The following PSMB2 variants were observed in gnomAD, a reference collection of about 807,000 sequenced individuals.
The protein encoded by PSMB2 is proteasome subunit beta type-2.
Under a neutral mutation model 25.7 loss-of-function variants are expected in PSMB2, and 13 were observed. That is an observed-to-expected ratio of 0.51 (90% confidence interval 0.33 to 0.80). PSMB2 has a LOEUF of 0.80. PSMB2 is among the 30% of genes least tolerant of loss of function. The pLI is 0.02. For synonymous variants in PSMB2, 87 were observed against 96.2 expected (o/e 0.90, Z 0.56); for missense variants, 202 against 259.0 (o/e 0.78, Z 1.51).
Position 35,602,888 on chromosome 1 carries a change from T to A in PSMB2, c.*379A>T, listed in dbSNP as rs1650046290. 1.0e-6 allele frequency: 1 copy of A among 968,444 alleles called. No homozygotes were observed. Among genetic ancestry groups the A allele is most frequent in the South Asian group, 4.5e-5 (1 of 22,348 alleles). 60.0% of individuals were successfully genotyped at this position (968,444 alleles called of 1,614,324 possible). A position where few individuals can be genotyped will look rare whatever the true frequency, so the allele number is the denominator to read the frequency against. On this transcript the variant is annotated 3_prime_UTR_variant, in exon 6 of 6. Transcript: ENST00000373237. ...TAATTCAGGTTAATTAATTTAAAAA[T>A]TTAAGTTTAAGGGCAAAAAGAACCA...
At chr1:35,618,729 GTGGAGAAGGTATGGAAT>G (rs1339374162) in intron 3 of PSMB2, among the ~76,000 whole-genome samples, 1 of 152,156 alleles carries the variant, frequency 6.6e-6, no homozygotes, top group African/African-American at 2.4e-5. Context: ...GCCACTCAGA[GTGGAGAAGGTATGGAAT>G]TGGAAGTTGA....
At position 35,601,098 on chromosome 1, in the gene PSMB2, GCT is replaced by G. The variant is rs1571116691; in HGVS notation, c.*2167_*2168del. 1 of 918,458 alleles carries G rather than the reference GCT, an allele frequency of 1.1e-6. No homozygotes were observed. The highest frequency in any genetic ancestry group is 1.3e-6 in the Non-Finnish European group (1 of 797,350). The allele number at this position is 918,458 out of a possible 1,614,324, so 56.9% of individuals were successfully genotyped here. On this transcript the variant is annotated 3_prime_UTR_variant, in exon 6 of 6. Coordinates refer to ENST00000373237, the MANE Select transcript of PSMB2 (RefSeq NM_002794.5). ...TTTTTTTTTTTTGAGACAGAGTCTT[GCT>G]CTGTCAGCCAGGCTGGAGTGCAGTG... is the stretch of plus-strand genomic sequence containing the variant.
intron 5 of PSMB2, 69 bp downstream of exon 5, chr1:35,605,164 A>G: frequency 6.8e-7 from 1 of 1,465,382 alleles, no homozygotes; most frequent in East Asian, 2.3e-5. Flanking sequence ...AATATAACTG[A>G]GGAACAGGAA....
intron 2 of PSMB2, among the ~76,000 whole-genome samples, chr1:35,633,765 T>A (rs1310398051): frequency 6.6e-6 from 1 of 152,276 alleles, no homozygotes; most frequent in South Asian, 2.1e-4. Flanking sequence ...GCCTTATTCA[T>A]CTTTGAATTC....
chr1:35,628,601 A>T (rs1459947049), intron 3 of PSMB2, among the ~76,000 whole-genome samples: 2 of 24,720 alleles, frequency 8.1e-5, no homozygotes, highest in East Asian at 3.7e-3. Flanking sequence ...AAAAAAATAT[A>T]TATATATATA....
chr1:35,626,092 C>G (rs1650851828), intron 3 of PSMB2, among the ~76,000 whole-genome samples: 1 of 152,142 alleles, frequency 6.6e-6, no homozygotes, highest in African/African-American at 2.4e-5. Context: ...TCCATCTTGG[C>G]CTCCCAAAGT....
chr1:35,607,458 TCAAA>T (rs1178584131), intron 4 of PSMB2, among the ~76,000 whole-genome samples: 4 of 151,938 alleles, frequency 2.6e-5, no homozygotes, highest in Non-Finnish European at 4.4e-5. Context: ...GAAATGCAAA[TCAAA>T]ACCACAATGA....
intron 3 of PSMB2, among the ~76,000 whole-genome samples, chr1:35,627,258 CAAAA>C (rs772688881): frequency 1.6e-4 from 6 of 36,446 alleles, no homozygotes; most frequent in African/African-American, 2.5e-4. Context: ...GACCCTATCT[CAAAA>C]AAAAAAAAAA....
intron 2 of PSMB2, among the ~76,000 whole-genome samples, chr1:35,636,038 T>C (rs1480283648): frequency 1.3e-5 from 2 of 152,212 alleles, no homozygotes; most frequent in Non-Finnish European, 2.9e-5. Context: ...TAAAATGAGT[T>C]CCTAATTCAA....
chr1:35,628,596 A>AAATAT (rs59538661), intron 3 of PSMB2, among the ~76,000 whole-genome samples: 5 of 25,108 alleles, frequency 2.0e-4, no homozygotes, highest in Non-Finnish European at 2.3e-4. Context: ...AAAAAAAAAA[A>AAATAT]ATATATATAT....
intron 3 of PSMB2, among the ~76,000 whole-genome samples, chr1:35,628,631 A>ATATATATATATATTT (rs1202256440): frequency 2.6e-5 from 1 of 38,088 alleles, no homozygotes; most frequent in Non-Finnish European, 4.0e-5. Flanking sequence ...ATATATATAT[A>ATATATATATATATTT]TTTTTTTTTT....
chr1:35,638,084 A>G (rs1651294855), intron 1 of PSMB2, among the ~76,000 whole-genome samples: 2 of 152,204 alleles, frequency 1.3e-5, no homozygotes, highest in Non-Finnish European at 2.9e-5. Flanking sequence ...GCTTGTTTAC[A>G]AAGAACTTAT....
intron 3 of PSMB2, among the ~76,000 whole-genome samples, chr1:35,615,122 A>C (rs1027653431): frequency 6.6e-6 from 1 of 152,200 alleles, no homozygotes; most frequent in African/African-American, 2.4e-5. Context: ...TTAGGATTTG[A>C]CTGCATTATC....
At chr1:35,627,018 C>A (rs1026690906) in intron 3 of PSMB2, among the ~76,000 whole-genome samples, 2 of 151,834 alleles carry the variant, frequency 1.3e-5, no homozygotes, top group Non-Finnish European at 2.9e-5. Context: ...TTTAAATAGC[C>A]CCATGTGGCT....
At chr1:35,631,601 G>T in intron 2 of PSMB2, 1 of 868,944 alleles carries the variant, frequency 1.2e-6, no homozygotes, top group Non-Finnish European at 1.5e-6. Context: ...TAGCAGCCTT[G>T]CTTAAACTAT....
At position 35,636,495 on chromosome 1, in the gene PSMB2, G is replaced by A. The variant is rs952242127; in HGVS notation, c.92-63C>T. On this transcript the variant is annotated intron_variant, in intron 1 of 5. Transcript: ENST00000373237. Reference sequence around the variant, plus strand: ...ACAGACATTGACCGTCATTATTTATGTAACCATAAACAGGTTTATTAATTA... The same window carrying A: ...ACAGACATTGACCGTCATTATTTATATAACCATAAACAGGTTTATTAATTA... 1.0e-5 allele frequency: 16 copies of A among 1,573,782 alleles called. No homozygotes were observed. In the African/African-American group the frequency reaches 1.9e-4, roughly 19 times the overall value.
intron 2 of PSMB2, among the ~76,000 whole-genome samples, chr1:35,635,315 C>T (rs1043528715): frequency 2.7e-5 from 4 of 150,010 alleles, no homozygotes; most frequent in Middle Eastern, 3.4e-3. Flanking sequence ...CTACATTGCT[C>T]AGGCTAGTCT....
intron 3 of PSMB2, among the ~76,000 whole-genome samples, chr1:35,614,128 T>C: frequency 6.6e-6 from 1 of 152,126 alleles, no homozygotes; most frequent in East Asian, 1.9e-4. Context: ...GGCCCTAGGG[T>C]AATGGTGTTC....
At chr1:35,640,060 A>ATAC (rs371010677) in intron 1 of PSMB2, among the ~76,000 whole-genome samples, 57,114 of 146,918 alleles carry the variant, frequency 0.39, 11,728 homozygotes, top group Admixed American at 0.42. Flanking sequence ...AAGTACTATA[A>ATAC]TATACTATAC....
Sources: gnomAD v4.1 joint callset for allele counts (sites outside exome capture counted in the v4.1 genomes callset) on GRCh38, gnomAD v4.1.1 for gene constraint, MANE v1.5 for transcripts, NCBI Gene and HGNC (gene_info 2026-07-23, HGNC 2026-07-21) for gene names.